CYTH1: variants seen among roughly 807,000 people sequenced by gnomAD.
CYTH1 encodes the protein cytohesin-1.
A neutral mutation model predicts 61.8 loss-of-function variants in CYTH1; 18 were observed. The ratio of observed to expected loss-of-function variants is 0.29; its 90% CI spans 0.20 to 0.43. The LOEUF is 0.43. CYTH1 is among the 20% of genes least tolerant of loss of function. The pLI is 1.00. For synonymous variants in CYTH1, 174 were observed against 184.3 expected, an observed-to-expected ratio of 0.94 and a Z score of 0.45; for missense variants, 336 against 510.5, an observed-to-expected ratio of 0.66 and a Z score of 3.29.
intron 1 of CYTH1, among the ~76,000 whole-genome samples, chr17:78,716,002 A>G (rs1000314530): frequency 1.4e-4 from 21 of 152,326 alleles, no homozygotes; most frequent in African/African-American, 5.1e-4. Context: ...GGCATGGATA[A>G]GGATCATGAA....
At chr17:78,741,684 G>T (rs1036241194) in intron 1 of CYTH1, among the ~76,000 whole-genome samples, 2 of 152,196 alleles carry the variant, frequency 1.3e-5, no homozygotes, top group African/African-American at 2.4e-5. Flanking sequence ...GAGCTCTCTG[G>T]CAAGAGTGTC....
At chr17:78,714,785 C>T (rs1237635248) in intron 1 of CYTH1, among the ~76,000 whole-genome samples, 1 of 151,964 alleles carries the variant, frequency 6.6e-6, no homozygotes, top group Admixed American at 6.6e-5. Context: ...GAGATAACCA[C>T]ACCTATGCCA....
chr17:78,753,669 A>G (rs1039974902), intron 1 of CYTH1, among the ~76,000 whole-genome samples: 5 of 152,214 alleles, frequency 3.3e-5, no homozygotes, highest in Admixed American at 6.5e-5. Flanking sequence ...ACAGTGTATA[A>G]TAAGGTACTA....
At chr17:78,702,371 A>G (rs2093020034) in intron 4 of CYTH1, 131 bp from the exon 5 acceptor site, 1 of 1,001,508 alleles carries the variant, frequency 1.0e-6, no homozygotes, top group South Asian at 1.5e-5. Flanking sequence ...GTGACCTATA[A>G]AGCCGGGGAG....
rs60368598 is a variant in CYTH1, at chr17:78,749,280, C to T, written c.22+32922G>A. ...TTCAAGACCAGCCTGGTCAACATGG[C>T]GAAACCCCGTCTCCACTAAAAATAT... On this transcript the variant is annotated intron_variant, in intron 1 of 13. Coordinates refer to ENST00000446868, the MANE Select transcript of CYTH1 (RefSeq NM_004762.6). 2.3e-3 allele frequency among the ~76,000 whole-genome samples: 345 copies of T among 151,964 alleles called. 2 individuals carry two copies. The highest frequency in any genetic ancestry group is 8.2e-3 in the African/African-American group (340 of 41,428).
intron 1 of CYTH1, among the ~76,000 whole-genome samples, chr17:78,764,745 G>A (rs919409923): frequency 6.6e-6 from 1 of 152,064 alleles, no homozygotes; most frequent in African/African-American, 2.4e-5. Flanking sequence ...GGGGGAGCAT[G>A]GATTTAATGA....
At chr17:78,775,776 T>G (rs919517717) in intron 1 of CYTH1, among the ~76,000 whole-genome samples, 2 of 152,224 alleles carry the variant, frequency 1.3e-5, no homozygotes, top group South Asian at 4.1e-4. Context: ...AGCTAACTTC[T>G]TGAAAGGAAC....
intron 1 of CYTH1, among the ~76,000 whole-genome samples, chr17:78,781,193 T>C (rs1375280753): frequency 2.1e-5 from 3 of 140,462 alleles, no homozygotes; most frequent in East Asian, 4.0e-4. Context: ...AAAAGAAAAA[T>C]GTCCCATTAG....
intron 1 of CYTH1, among the ~76,000 whole-genome samples, chr17:78,762,013 T>A (rs925976952): frequency 1.1e-4 from 16 of 152,244 alleles, no homozygotes; most frequent in African/African-American, 3.9e-4. Flanking sequence ...GTGTCCATCA[T>A]GTGACATGGG....
At position 78,674,270 on chromosome 17, in the gene CYTH1, T is replaced by C. The variant is rs1456686600; in HGVS notation, c.*1821A>G. ...ATACATAGATTATTTACACCTCTGATAAATAGACTAATACTGACCCAGGTG... is the reference window on the plus strand; with the variant it reads ...ATACATAGATTATTTACACCTCTGACAAATAGACTAATACTGACCCAGGTG... On this transcript the variant is annotated 3_prime_UTR_variant, in exon 14 of 14. Transcript: ENST00000446868. 3.3e-5 allele frequency: 5 copies of C among 152,630 alleles called. No homozygotes were observed. The highest frequency in any genetic ancestry group is 7.3e-5 in the Non-Finnish European group (5 of 68,046). 9.5% of individuals were successfully genotyped at this position (152,630 alleles called of 1,614,324 possible).
At chr17:78,711,306 T>TAAATAAATAAATA (rs1270598813) in intron 1 of CYTH1, among the ~76,000 whole-genome samples, 1 of 98,706 alleles carries the variant, frequency 1.0e-5, no homozygotes, top group Non-Finnish European at 2.2e-5. Flanking sequence ...ATAAATAATA[T>TAAATAAATAAATA]ATATATATAC....
intron 11 of CYTH1, among the ~76,000 whole-genome samples, chr17:78,686,216 G>A (rs1020731246): frequency 6.6e-6 from 1 of 152,152 alleles, no homozygotes; most frequent in African/African-American, 2.4e-5. Flanking sequence ...AAGCGTTTAA[G>A]ACATTATATT....
chr17:78,721,326 T>C (rs2093226774), intron 1 of CYTH1, among the ~76,000 whole-genome samples: 1 of 151,902 alleles, frequency 6.6e-6, no homozygotes, highest in African/African-American at 2.4e-5. Flanking sequence ...CAAGACTCCG[T>C]CTCAAAAAAT....
In CYTH1 at chr17:78,701,609, G is replaced by A. The variant is rs139437843; in HGVS notation, c.437+62C>T. 9.5e-4 allele frequency: 1,391 copies of A among 1,459,466 alleles called. 1 individual carries two copies. The highest frequency in any genetic ancestry group is 2.1e-3 in the South Asian group (183 of 87,740). 90.4% of individuals were successfully genotyped at this position (1,459,466 alleles called of 1,614,324 possible). ...TTTCAATAAAATGCCCCCCAGGACAGACTCATGATCAAAGGCTAGCCTCCC... is the reference window on the plus strand; with the variant it reads ...TTTCAATAAAATGCCCCCCAGGACAAACTCATGATCAAAGGCTAGCCTCCC... On this transcript the variant is annotated intron_variant, in intron 6 of 13. Coordinates refer to ENST00000446868, the MANE Select transcript of CYTH1 (RefSeq NM_004762.6).
In CYTH1 at chr17:78,706,066, C is replaced by G. The variant is rs74792811; in HGVS notation, c.170+2131G>C. 6.1e-3 allele frequency among the ~76,000 whole-genome samples: 924 copies of G among 152,158 alleles called. 47 individuals carry two copies. The East Asian group carries it at 0.12, about 20-fold the overall frequency. On this transcript the variant is annotated intron_variant, in intron 3 of 13. Coordinates refer to ENST00000446868, the MANE Select transcript of CYTH1 (RefSeq NM_004762.6). ...GTTTTTTATACTTTTCTGTATTTTA[C>G]CAATTTTCTGCAGTAAAGGTGTATT...
At chr17:78,684,982 C>T (rs981410804) in intron 11 of CYTH1, among the ~76,000 whole-genome samples, 7 of 152,116 alleles carry the variant, frequency 4.6e-5, no homozygotes, top group African/African-American at 1.7e-4. Context: ...GGGCAGATCA[C>T]GAGGTCAGGA....
chr17:78,676,390 T>G (rs1381779540), intron 13 of CYTH1: 4 of 559,798 alleles, frequency 7.1e-6, no homozygotes, highest in African/African-American at 5.6e-5. Context: ...ACAAGAAAAT[T>G]TTGGGGTTTT....
chr17:78,701,521 A>C, intron 6 of CYTH1, 150 bp downstream of exon 6: 1 of 735,804 alleles, frequency 1.4e-6, no homozygotes, highest in Non-Finnish European at 2.3e-6. Context: ...TCCCAGTCAG[A>C]GACCAATAGA....
intron 11 of CYTH1, among the ~76,000 whole-genome samples, chr17:78,681,848 A>C (rs965956209): frequency 7.0e-5 from 3 of 42,796 alleles, no homozygotes; most frequent in Non-Finnish European, 6.8e-5. Context: ...AAAAAAAAAA[A>C]AAAAAAACCA....
Sources: allele counts gnomAD v4.1 joint callset (sites outside exome capture counted in the v4.1 genomes callset), GRCh38; gene constraint gnomAD v4.1.1; transcripts MANE v1.5; gene names NCBI Gene and HGNC (gene_info 2026-07-23, HGNC 2026-07-21).